The following MECOM variants were observed in gnomAD, a reference collection of about 807,000 sequenced individuals.
MECOM encodes histone-lysine N-methyltransferase MECOM.
MECOM carries 13 observed loss-of-function variants against 116.3 expected under a neutral mutation model. The observed-to-expected ratio is 0.11, with a 90% CI of 0.07 to 0.18. The LOEUF (loss-of-function observed/expected upper bound fraction) is 0.18, where lower values mean the gene tolerates loss of function less well. Among genes scored for constraint, MECOM ranks in the 10% least tolerant of loss-of-function variants. MECOM has a pLI of 1.00. For missense variants in MECOM, 1,299 were observed against 1,509.0 expected (o/e 0.86, Z 2.31); for synonymous variants, 528 against 535.2 (o/e 0.99, Z 0.19).
intron 2 of MECOM, among the ~76,000 whole-genome samples, chr3:169,360,114 T>C (rs1186937567): frequency 6.6e-6 from 1 of 151,504 alleles, no homozygotes; most frequent in Non-Finnish European, 1.5e-5. Context: ...CTTTCAACCA[T>C]AAATCCTTAA....
intron 1 of MECOM, among the ~76,000 whole-genome samples, chr3:169,633,528 G>A (rs1303503696): frequency 3.3e-5 from 5 of 152,150 alleles, no homozygotes; most frequent in East Asian, 1.9e-4. Context: ...TTCTTGGAGG[G>A]TGTGGGCATC....
At chr3:169,289,387 G>A (rs1170639781) in intron 2 of MECOM, among the ~76,000 whole-genome samples, 2 of 152,204 alleles carry the variant, frequency 1.3e-5, no homozygotes, top group Non-Finnish European at 2.9e-5. Context: ...AAGGGAGGCA[G>A]CCAATGTTGG....
At chr3:169,207,545 A>G (rs1367632634) in intron 2 of MECOM, among the ~76,000 whole-genome samples, 1 of 152,206 alleles carries the variant, frequency 6.6e-6, no homozygotes, top group Admixed American at 6.6e-5. Context: ...GTACAGGTTT[A>G]AAGATCTAAT....
intron 1 of MECOM, among the ~76,000 whole-genome samples, chr3:169,397,896 C>A (rs1219377045): frequency 6.6e-6 from 1 of 152,164 alleles, no homozygotes; most frequent in Non-Finnish European, 1.5e-5. Flanking sequence ...TGTATTACTG[C>A]AATGTAAGGC....
intron 2 of MECOM, among the ~76,000 whole-genome samples, chr3:169,242,255 ACT>A (rs1256072505): frequency 2.0e-5 from 3 of 151,844 alleles, no homozygotes; most frequent in African/African-American, 7.3e-5. Flanking sequence ...CAAATTCCTG[ACT>A]CTCAATCCTG....
intron 1 of MECOM, among the ~76,000 whole-genome samples, chr3:169,604,114 AAAGAG>A (rs1321712679): frequency 6.6e-6 from 1 of 152,186 alleles, no homozygotes; most frequent in Non-Finnish European, 1.5e-5. Flanking sequence ...GAGCAGCTAG[AAAGAG>A]AAAAGTATTA....
rs113637329 is a variant in MECOM at position 169,303,608 on chromosome 3, C to T, written c.375+77579G>A. Among the ~76,000 whole-genome samples, 1,246 of 152,284 alleles carry T rather than the reference C, an allele frequency of 8.2e-3. 20 individuals are homozygous for T. The highest frequency in any genetic ancestry group is 0.028 in the African/African-American group (1,158 of 41,576). On this transcript the variant is annotated intron_variant, in intron 2 of 16. Transcript: ENST00000651503. The stretch of plus-strand genomic sequence containing the variant: ...AGGCATTCAAACTCAATTTCTTTCT[C>T]TTCTGAAAACTGTATCAACCAGAAG...
chr3:169,459,033 T>C (rs866180582), intron 1 of MECOM, among the ~76,000 whole-genome samples: 2 of 128,692 alleles, frequency 1.6e-5, no homozygotes, highest in South Asian at 5.3e-4. Flanking sequence ...AAGGAGTACA[T>C]ATCCAAAATG....
intron 2 of MECOM, among the ~76,000 whole-genome samples, chr3:169,285,258 C>T (rs1713040114): frequency 6.6e-6 from 1 of 152,152 alleles, no homozygotes; most frequent in South Asian, 2.1e-4. Context: ...AACAGCTGAG[C>T]TGCAGACGCT....
chr3:169,148,922 A>G lies in MECOM; in HGVS notation c.376-5090T>C, dbSNP rs375425403. ...GCCATTGTTTGAGAGAAAATCGCACAGCAGTGGTAGGTAGGACAGGAAAAA... is the reference window on the plus strand; with the variant it reads ...GCCATTGTTTGAGAGAAAATCGCACGGCAGTGGTAGGTAGGACAGGAAAAA... On this transcript the variant is annotated intron_variant, in intron 2 of 16. Coordinates refer to ENST00000651503, the MANE Select transcript of MECOM (RefSeq NM_004991.4). Among the ~76,000 whole-genome samples, 675 of 152,266 alleles carry G rather than the reference A, an allele frequency of 4.4e-3. 4 individuals are homozygous for G. The highest frequency in any genetic ancestry group is 0.01 in the Middle Eastern group (3 of 294).
chr3:169,242,969 C>T (rs1038556771), intron 2 of MECOM, among the ~76,000 whole-genome samples: 1 of 151,866 alleles, frequency 6.6e-6, no homozygotes, highest in African/African-American at 2.4e-5. Flanking sequence ...TATAGCTCTC[C>T]CCTTTTACTC....
At chr3:169,438,290 A>G (rs73879069) in intron 1 of MECOM, among the ~76,000 whole-genome samples, 1,708 of 152,292 alleles carry the variant, frequency 0.011, 30 homozygotes, top group African/African-American at 0.039. Context: ...CTAAATCATA[A>G]GTATTCAAGT....
In MECOM at chr3:169,331,601, G is replaced by A. The variant is rs80027083; in HGVS notation, c.375+49586C>T. ...AGTTTCATAAGTGTCATAACACACT[G>A]GAAGACTATAGAAATCTTAAACACA... On this transcript the variant is annotated intron_variant, in intron 2 of 16. Transcript: ENST00000651503. Among the ~76,000 whole-genome samples the A allele has an allele frequency of 7.0e-3, 1,058 of 152,182 alleles. 10 individuals carry two copies. Among genetic ancestry groups the A allele is most frequent in the African/African-American group, 0.024 (1,011 of 41,536 alleles).
chr3:169,479,770 C>T lies in MECOM; in HGVS notation c.38-98246G>A, dbSNP rs778459391. Among the ~76,000 whole-genome samples the T allele has an allele frequency of 3.9e-5, 6 of 151,964 alleles. No homozygotes were observed. The East Asian group carries it at 1.2e-3, about 29-fold the overall frequency. The stretch of plus-strand genomic sequence containing the variant: ...GCCTAATGTCTTCTAAATTTTATGG[C>T]CTTTTCCTTATAGGGACCTGAAAAG... On this transcript the variant is annotated intron_variant, in intron 1 of 16. Transcript: ENST00000651503.
chr3:169,100,978 G>A lies in MECOM; in HGVS notation c.2772-16C>T, dbSNP rs377115788. 8.2e-6 allele frequency: 13 copies of A among 1,594,612 alleles called. No homozygotes were observed. The African/African-American group carries it at 1.7e-4, about 21-fold the overall frequency. On this transcript the variant is annotated splice_polypyrimidine_tract_variant and intron_variant, in intron 11 of 16. Coordinates refer to ENST00000651503, the MANE Select transcript of MECOM (RefSeq NM_004991.4). ...GCCACAGTATCTGTTATGAAAAGAT[G>A]TTTATAAGAGAAAGTCAGCACAGTT...
At chr3:169,616,394 G>C (rs1247201555) in intron 1 of MECOM, among the ~76,000 whole-genome samples, 2 of 152,164 alleles carry the variant, frequency 1.3e-5, no homozygotes, top group Non-Finnish European at 2.9e-5. Context: ...TGCCCAGGCT[G>C]GAGTACAGTG....
chr3:169,466,204 G>GATATGC (rs1325347244), intron 1 of MECOM, among the ~76,000 whole-genome samples: 2 of 152,134 alleles, frequency 1.3e-5, no homozygotes, highest in African/African-American at 2.4e-5. Context: ...CCAAACACTG[G>GATATGC]ATATGCATAT....
intron 2 of MECOM, among the ~76,000 whole-genome samples, chr3:169,237,640 G>T (rs1754251823): frequency 7.0e-6 from 1 of 142,522 alleles, no homozygotes; most frequent in African/African-American, 2.6e-5. Context: ...AAAAAATGTG[G>T]CACTTACTGT....
At chr3:169,462,213 AGCCTATACTC>A (rs1747565448) in intron 1 of MECOM, among the ~76,000 whole-genome samples, 1 of 152,184 alleles carries the variant, frequency 6.6e-6, no homozygotes. Flanking sequence ...CAGCAGGGAA[AGCCTATACTC>A]TCAATCAAAG....
Sources: allele counts gnomAD v4.1 joint callset (sites outside exome capture counted in the v4.1 genomes callset), GRCh38; gene constraint gnomAD v4.1.1; transcripts MANE v1.5; gene names NCBI Gene and HGNC (gene_info 2026-07-23, HGNC 2026-07-21).